CCNH: variants seen among roughly 807,000 people sequenced by gnomAD.
CCNH encodes the protein cyclin-H.
CCNH carries 31 observed loss-of-function variants against 41.9 expected under a neutral mutation model. The ratio of observed to expected loss-of-function variants is 0.74; its 90% CI spans 0.56 to 1.00. CCNH has a LOEUF of 1.00. Ranked by LOEUF, CCNH falls within the 50% of genes least tolerant of loss-of-function variation. CCNH has a pLI of 0.00. For synonymous variants in CCNH, 138 were observed against 136.1 expected, an observed-to-expected ratio of 1.01 and a Z score of -0.10; for missense variants, 362 against 388.4, an observed-to-expected ratio of 0.93 and a Z score of 0.57.
intron 9 of CCNH, among the ~76,000 whole-genome samples, chr5:87,353,554 C>A (rs1759435301): frequency 6.6e-6 from 1 of 151,758 alleles, no homozygotes; most frequent in African/African-American, 2.4e-5. Context: ...ATTATTAAAG[C>A]CTGGGGAGTA....
chr5:87,348,942 A>G (rs1038828329), intron 9 of CCNH, among the ~76,000 whole-genome samples: 3 of 151,868 alleles, frequency 2.0e-5, no homozygotes, highest in Non-Finnish European at 2.9e-5. Flanking sequence ...TGTAGATATT[A>G]CTGACCAGAA....
At chr5:87,338,087 A>G in intron 9 of CCNH, 1 of 1,612,226 alleles carries the variant, frequency 6.2e-7, no homozygotes, top group Non-Finnish European at 8.5e-7. Context: ...CTAGTAGAAG[A>G]GGTGGTAAGT....
chr5:87,352,023 A>G (rs1303731878), intron 9 of CCNH, among the ~76,000 whole-genome samples: 1 of 151,760 alleles, frequency 6.6e-6, no homozygotes, highest in East Asian at 1.9e-4. Flanking sequence ...ATCTTCAAAT[A>G]TATTTCCTGA....
intron 9 of CCNH, among the ~76,000 whole-genome samples, chr5:87,337,787 A>T (rs939447583): frequency 6.6e-6 from 1 of 152,076 alleles, no homozygotes; most frequent in Non-Finnish European, 1.5e-5. Context: ...AATTCAGATT[A>T]TTTATTATTT....
chr5:87,394,179 A>G (rs1762733847), downstream of CCNH: 2 of 948,892 alleles, frequency 2.1e-6, no homozygotes, highest in African/African-American at 1.7e-5. Context: ...TTTGCCTATC[A>G]TATTTTGCTT....
chr5:87,382,175 C>T (rs1216362179), upstream of CCNH, among the ~76,000 whole-genome samples: 1 of 152,172 alleles, frequency 6.6e-6, no homozygotes, highest in African/African-American at 2.4e-5. Flanking sequence ...TGGTCTTGAA[C>T]TCCTGGCCTC....
chr5:87,343,660 G>A (rs1235508907), intron 9 of CCNH, among the ~76,000 whole-genome samples: 1 of 152,086 alleles, frequency 6.6e-6, no homozygotes, highest in Non-Finnish European at 1.5e-5. Flanking sequence ...GCACAGCATG[G>A]AAGTTCTTCA....
At chr5:87,397,041 T>G (rs976928751) in intron 7 of CCNH, among the ~76,000 whole-genome samples, 4 of 152,106 alleles carry the variant, frequency 2.6e-5, no homozygotes, top group African/African-American at 7.2e-5. Context: ...ATTTTGAAGA[T>G]CAAGGAAAAC....
At chr5:87,372,325 A>G (rs1412076562), downstream of CCNH, 1 of 793,370 alleles carries the variant, frequency 1.3e-6, no homozygotes, top group African/African-American at 1.7e-5. Context: ...TTGCTTCAGT[A>G]GCAGGAAAAC....
Position 87,383,928 on chromosome 5 carries a change from C to G in CCNH, c.*90+8842G>C, listed in dbSNP as rs1409934068. 2.2e-5 allele frequency: 16 copies of G among 725,526 alleles called. No homozygotes were observed. In the East Asian group the frequency reaches 4.4e-4, roughly 20 times the overall value. 44.9% of individuals were successfully genotyped at this position (725,526 alleles called of 1,614,324 possible). On this transcript the variant is annotated intron_variant and NMD_transcript_variant, in intron 9 of 9. Coordinates refer to the CCNH transcript ENST00000645953. ...GAAGTATTCCAAAGCACCCTTCCTT[C>G]CTTGTGCTTGTGCTTCTTGGGCTTT...
At chr5:87,400,301 A>G (rs1763302980) in intron 6 of CCNH, among the ~76,000 whole-genome samples, 1 of 152,236 alleles carries the variant, frequency 6.6e-6, no homozygotes, top group Non-Finnish European at 1.5e-5. Flanking sequence ...TCTATGTTCC[A>G]AAAATTACAA....
intron 9 of CCNH, chr5:87,341,342 A>C: frequency 7.9e-7 from 1 of 1,272,680 alleles, no homozygotes; most frequent in Non-Finnish European, 9.9e-7. Flanking sequence ...GTTAATTATT[A>C]AAATGAAAAA....
rs561872260 is a variant in CCNH, at chr5:87,320,953, G to C, written c.*91-2056C>G. ...TTTCATGGTGGCTTTTGAATGCCAT[G>C]GTGAATAGTTTGTGCTTTATTTGTT... On this transcript the variant is annotated intron_variant and NMD_transcript_variant, in intron 9 of 9. Coordinates refer to the CCNH transcript ENST00000645953. 2.6e-5 allele frequency among the ~76,000 whole-genome samples: 4 copies of C among 152,284 alleles called. No individual in the cohort carries two copies. The East Asian group carries it at 7.7e-4, about 29-fold the overall frequency.
chr5:87,350,195 C>T (rs1295989609), intron 9 of CCNH, among the ~76,000 whole-genome samples: 2 of 151,760 alleles, frequency 1.3e-5, no homozygotes, highest in Non-Finnish European at 3.0e-5. Flanking sequence ...CTTCTAGTTG[C>T]TTGCTGGAAG....
upstream of CCNH, chr5:87,380,652 A>C: frequency 7.1e-7 from 1 of 1,401,114 alleles, no homozygotes; most frequent in Non-Finnish European, 1.0e-6. Flanking sequence ...TAATTGTGAA[A>C]AATTGAGGAA....
At chr5:87,330,360 TAAAC>T (rs1419739902) in intron 9 of CCNH, among the ~76,000 whole-genome samples, 2 of 152,124 alleles carry the variant, frequency 1.3e-5, no homozygotes, top group Non-Finnish European at 2.9e-5. Context: ...AGATTACAAA[TAAAC>T]TTTGGTAAAG....
rs986321197 is a variant in CCNH, at chr5:87,335,421, T to G, written c.*91-16524A>C. On this transcript the variant is annotated intron_variant and NMD_transcript_variant, in intron 9 of 9. Coordinates refer to the CCNH transcript ENST00000645953. ...AGGTGAAGATAATAAAGAATGAGGTTTTTTTTTTTTTTTTTTTTTTTTTGT... is the reference window on the plus strand; with the variant it reads ...AGGTGAAGATAATAAAGAATGAGGTGTTTTTTTTTTTTTTTTTTTTTTTGT... Among the ~76,000 whole-genome samples the G allele has an allele frequency of 6.5e-5, 4 of 62,010 alleles. No homozygotes were observed. The South Asian group carries it at 1.9e-3, about 29-fold the overall frequency. 40.7% of individuals were successfully genotyped at this position (62,010 alleles called of 152,430 possible).
At chr5:87,390,651 G>C, downstream of CCNH, 1 of 718,908 alleles carries the variant, frequency 1.4e-6, no homozygotes, top group Admixed American at 2.1e-5. Flanking sequence ...GCCAATGACT[G>C]AATAATAGAG....
chr5:87,353,826 C>T (rs2112433373), intron 9 of CCNH, among the ~76,000 whole-genome samples: 1 of 152,124 alleles, frequency 6.6e-6, no homozygotes, highest in East Asian at 1.9e-4. Context: ...AGCAAGAGAG[C>T]CTGTTAAATG....
Sources: gnomAD v4.1 joint callset for allele counts (sites outside exome capture counted in the v4.1 genomes callset) on GRCh38, gnomAD v4.1.1 for gene constraint, MANE v1.5 for transcripts, NCBI Gene and HGNC (gene_info 2026-07-23, HGNC 2026-07-21) for gene names.